PRG2: variants seen among roughly 807,000 people sequenced by gnomAD.
The protein encoded by PRG2 is bone marrow proteoglycan.
PRG2 carries 23 observed loss-of-function variants against 24.7 expected under a neutral mutation model. The ratio of observed to expected loss-of-function variants is 0.93; its 90% confidence interval spans 0.67 to 1.32. The LOEUF (loss-of-function observed/expected upper bound fraction) is 1.32, where lower values mean the gene tolerates loss of function less well. Among genes scored for constraint, PRG2 ranks in the 40% most tolerant of loss-of-function variants. The pLI, the probability that PRG2 is intolerant of heterozygous loss-of-function variation, is 0.00. For synonymous variants in PRG2, 104 were observed against 99.8 expected (o/e 1.04, Z -0.25); for missense variants, 271 against 280.9 (o/e 0.96, Z 0.25).
chr11:57,388,954 G>T, intron 3 of PRG2, 56 bp downstream of exon 3: 8 of 1,566,646 alleles, frequency 5.1e-6, no homozygotes, highest in South Asian at 2.4e-5. Flanking sequence ...AATGCTGGGG[G>T]CATATCCCAC....
chr11:57,387,813 T>TACGC lies in PRG2; in HGVS notation c.550_551insGCGT (p.Tyr184CysfsTer85), dbSNP rs1305356730. On this transcript the variant is annotated frameshift_variant, in exon 5 of 6. Transcript: ENST00000311862. LOFTEE classifies it high-confidence loss of function. ...GGACCAGGGCTGGTGAGCAGCCCAGTATGCAAAGTTCCAGCGGCTGCCGTC... is the reference window on the plus strand; with the variant it reads ...GGACCAGGGCTGGTGAGCAGCCCAGTACGCATGCAAAGTTCCAGCGGCTGCCGTC... 6.3e-7 allele frequency: 1 copy of TACGC among 1,590,578 alleles called. No individual in the cohort carries two copies. The highest frequency in any genetic ancestry group is 8.6e-7 in the Non-Finnish European group (1 of 1,169,302).
intron 3 of PRG2, 131 bp from the exon 4 acceptor site, chr11:57,388,839 C>T: frequency 6.9e-7 from 1 of 1,453,080 alleles, no homozygotes; most frequent in Non-Finnish European, 9.2e-7. Context: ...CAAAATGCAA[C>T]TTCTGTTTGT....
intron 5 of PRG2, 87 bp from the exon 6 acceptor site, chr11:57,387,620 T>A: frequency 7.0e-7 from 1 of 1,419,550 alleles, no homozygotes; most frequent in South Asian, 1.2e-5. Flanking sequence ...ACCCACACAC[T>A]GCTGTGGAGT....
intron 4 of PRG2, among the ~76,000 whole-genome samples, chr11:57,388,333 C>T (rs1197248855): frequency 6.6e-6 from 1 of 152,008 alleles, no homozygotes; most frequent in African/African-American, 2.4e-5. Context: ...CACCACCATG[C>T]CCAGCTAACT....
intron 4 of PRG2, 77 bp from the exon 5 acceptor site, chr11:57,387,942 C>T (rs771837523): frequency 9.2e-7 from 1 of 1,082,386 alleles, no homozygotes; most frequent in Non-Finnish European, 1.3e-6. Context: ...TATCTGCCAG[C>T]TCTTTCTGCT....
Position 57,389,037 on chromosome 11 carries a change from T to C in PRG2, c.339A>G (p.Arg113=). 1.9e-6 allele frequency: 3 copies of C among 1,614,100 alleles called. No individual in the cohort carries two copies. The South Asian group carries it at 3.3e-5, about 18-fold the overall frequency. Residue 113 remains arginine (R), a synonymous_variant, in exon 3 of 6, where the codon AGA becomes AGG. Transcript: ENST00000311862. ...GCQTCRYLLV[R]SLQTFSQAWF... The stretch of plus-strand genomic sequence containing the variant: ...AAGCTTGACTAAACGTCTGAAGACT[T>C]CTCACCAGGAGGTAGCGGCAGGTCT...
rs1461598717 is a variant in PRG2, at chr11:57,387,852, C to A, written c.512G>T (p.Arg171Leu). ...GCGGCTGCCGTCAACCCACTGAAAG[C>A]GTCTGCAGCGACCCTGGAGAAAGCA... ...GRITGSGRCR[R>L]FQWVDGSRWN... is the part of the protein sequence containing the mutation. The change falls in exon 5 of 6, where the codon CGC becomes CTC. Residue 171 changes from arginine (R) to leucine (L), a missense_variant. Physicochemically the swap from Arg to Leu is moderately radical, Grantham distance 102. Transcript: ENST00000311862. The A allele has an allele frequency of 4.5e-6, 7 of 1,569,110 alleles. No homozygotes were observed. The highest frequency in any genetic ancestry group is 6.1e-6 in the Non-Finnish European group (7 of 1,156,660).
chr11:57,387,786 C>T lies in PRG2; in HGVS notation c.578G>A (p.Arg193His), dbSNP rs749818783. 48 of 1,592,494 alleles carry T rather than the reference C, an allele frequency of 3.0e-5. No homozygotes were observed. The highest frequency in any genetic ancestry group is 5.4e-5 in the African/African-American group (4 of 74,764). Residue 193 changes from arginine to histidine, a missense_variant, in exon 5 of 6, where the codon CGC becomes CAC. Transcript: ENST00000311862. ...AYWAAHQPWS[R>H]GGHCVALCTR... is the part of the protein sequence containing the mutation. ...ACACAGGGCCACGCAGTGACCACCG[C>T]GGGACCAGGGCTGGTGAGCAGCCCA... is the stretch of plus-strand genomic sequence containing the variant.
In PRG2 at chr11:57,389,461, G is replaced by T. The variant is rs1490875105; in HGVS notation, c.59-144C>A. On this transcript the variant is annotated intron_variant, in intron 2 of 5. Transcript: ENST00000311862. ...GAACCTGGAACCCAGTCTCTATGAG[G>T]GGAACCCAAGCTGCCTGACAAGGTC... 6.4e-6 allele frequency: 6 copies of T among 933,216 alleles called. No homozygotes were observed. In the East Asian group the frequency reaches 1.6e-4, roughly 25 times the overall value. 57.8% of individuals were successfully genotyped at this position (933,216 alleles called of 1,614,324 possible).
chr11:57,390,587 A>G lies in PRG2; in HGVS notation c.-13+9T>C, dbSNP rs1394269876. Reference sequence around the variant, plus strand: ...TCACCAGCTCCACCACAGCAGAGAAAGCACTCACCCACCCAGAGACCTTCC... The same window carrying G: ...TCACCAGCTCCACCACAGCAGAGAAGGCACTCACCCACCCAGAGACCTTCC... On this transcript the variant is annotated intron_variant, in intron 1 of 5. Transcript: ENST00000311862. The G allele has an allele frequency of 2.0e-6, 2 of 985,478 alleles. No individual in the cohort carries two copies. The highest frequency in any genetic ancestry group is 1.7e-5 in the African/African-American group (1 of 57,258). The allele number at this position is 985,478 out of a possible 1,614,324, so 61.0% of individuals were successfully genotyped here. A position where few individuals can be genotyped will look rare whatever the true frequency, so the allele number is the denominator to read the frequency against.
Position 57,389,073 on chromosome 11 carries a change from G to A in PRG2, c.303C>T (p.Ile101=). The A allele has an allele frequency of 6.2e-7, 1 of 1,614,172 alleles. No homozygotes were observed. The highest frequency in any genetic ancestry group is 8.5e-7 in the Non-Finnish European group (1 of 1,180,046). ...GGTAGCGGCAGGTCTGGCACCCAGG[G>A]ATGCCCACCACTTTTACTGTGTCCT... is the stretch of plus-strand genomic sequence containing the variant. ...EEEDTVKVVG[I]PGCQTCRYLL... Residue 101 remains isoleucine (I), a synonymous_variant, in exon 3 of 6, where the codon ATC becomes ATT. Coordinates refer to ENST00000311862, the MANE Select transcript of PRG2 (RefSeq NM_002728.6).
At chr11:57,389,416 T>C in intron 2 of PRG2, 99 bp from the exon 3 acceptor site, 1 of 1,309,606 alleles carries the variant, frequency 7.6e-7, no homozygotes, top group Non-Finnish European at 1.0e-6. Flanking sequence ...ATCAGAGTGC[T>C]CAACTCTGCC....
chr11:57,389,418 A>G, intron 2 of PRG2, 101 bp from the exon 3 acceptor site: 1 of 1,297,870 alleles, frequency 7.7e-7, no homozygotes, highest in Non-Finnish European at 1.0e-6. Context: ...CAGAGTGCTC[A>G]ACTCTGCCTG....
rs751936866 is a variant in PRG2, at chr11:57,388,924, G to T, written c.366+86C>A. The T allele has an allele frequency of 3.3e-6, 5 of 1,520,756 alleles. No homozygotes were observed. In the South Asian group the frequency reaches 6.4e-5, roughly 19 times the overall value. 94.2% of individuals were successfully genotyped at this position (1,520,756 alleles called of 1,614,324 possible). On this transcript the variant is annotated intron_variant, in intron 3 of 5. Transcript: ENST00000311862. ...CTGACACCCCCAGGGCCCTCAATGG[G>T]AAAAAGAGCCAGTGATAGCAATGCT...
At position 57,387,477 on chromosome 11, in the gene PRG2, A is replaced by G; in HGVS notation, c.667T>C (p.Ter223ArgextTer31). 8 of 1,613,854 alleles carry G rather than the reference A, an allele frequency of 5.0e-6. No homozygotes were observed. The highest frequency in any genetic ancestry group is 6.8e-6 in the Non-Finnish European group (8 of 1,179,862). ...LRRLPFICSY[*>R] The stretch of plus-strand genomic sequence containing the variant: ...CTGAACTGCTGGCTGGGACCAGCTC[A>G]GTAGGAACAGATGAAAGGAAGTCTT... Residue 223 changes from the stop codon to arginine, a stop_lost, in exon 6 of 6, where the codon TGA (stop) becomes CGA (arginine). Transcript: ENST00000311862.
intron 5 of PRG2, 33 bp downstream of exon 5, chr11:57,387,721 C>A: frequency 1.3e-6 from 2 of 1,511,902 alleles, no homozygotes; most frequent in South Asian, 1.3e-5. Flanking sequence ...ATCTCCCAGA[C>A]CTTTCCATCG....
chr11:57,388,604 G>A lies in PRG2; in HGVS notation c.471C>T (p.Val157=), dbSNP rs14200. The change falls in exon 4 of 6, where the codon GTC becomes GTT. Residue 157 remains valine (V), a synonymous_variant. Transcript: ENST00000311862. ...AGCCTGTGATCCTGCCTCCAATCCA[G>A]ACTTGACCCTGGTTGAGCGCGCTGA... ...CSVSALNQGQ[V]WIGGRITGSG... is the part of the protein sequence containing the mutation. 1 of 1,613,938 alleles carries A rather than the reference G, an allele frequency of 6.2e-7. No individual in the cohort carries two copies. Among genetic ancestry groups the A allele is most frequent in the Non-Finnish European group, 8.5e-7 (1 of 1,179,878 alleles).
intron 1 of PRG2, 149 bp from the exon 2 acceptor site, chr11:57,390,105 C>G: frequency 1.5e-6 from 1 of 684,180 alleles, no homozygotes; most frequent in Non-Finnish European, 2.4e-6. Context: ...TCATGCCAAG[C>G]CCAGCTCCTG....
Position 57,390,088 on chromosome 11 carries a change from G to A in PRG2, c.-12-132C>T, listed in dbSNP as rs569334699. 171 of 753,298 alleles carry A rather than the reference G, an allele frequency of 2.3e-4. 1 individual carries two copies. The highest frequency in any genetic ancestry group is 3.1e-4 in the Non-Finnish European group (148 of 471,362). 46.7% of individuals were successfully genotyped at this position (753,298 alleles called of 1,614,324 possible). ...CCTGAATAGAAATCAGGATGGGCCA[G>A]AAAAGCTCATGCCAAGCCCAGCTCC... On this transcript the variant is annotated intron_variant, in intron 1 of 5. Coordinates refer to ENST00000311862, the MANE Select transcript of PRG2 (RefSeq NM_002728.6).
Sources: allele counts gnomAD v4.1 joint callset (sites outside exome capture counted in the v4.1 genomes callset), GRCh38; gene constraint gnomAD v4.1.1; transcripts MANE v1.5; gene names NCBI Gene and HGNC (gene_info 2026-07-23, HGNC 2026-07-21).